EPHA3: variants seen among roughly 807,000 people sequenced by gnomAD.
The protein encoded by EPHA3 is EPH receptor A3, also known as ephrin type-A receptor 3.
EPHA3 carries 42 observed loss-of-function variants against 107.1 expected under a neutral mutation model. The observed-to-expected ratio is 0.39, with a 90% CI of 0.31 to 0.51. The LOEUF (loss-of-function observed/expected upper bound fraction) is 0.51, where lower values mean the gene tolerates loss of function less well. Ranked by LOEUF, EPHA3 falls within the 20% of genes least tolerant of loss-of-function variation. The probability of loss-of-function intolerance (pLI) is 0.78; values close to 1 mark genes in which losing one functional copy is unlikely to be tolerated. For missense variants in EPHA3, 1,183 were observed against 1,211.2 expected (o/e 0.98, Z 0.35); for synonymous variants, 461 against 424.8 (o/e 1.09, Z -1.05).
At chr3:89,223,841 A>G (rs1235944528) in intron 3 of EPHA3, among the ~76,000 whole-genome samples, 1 of 152,154 alleles carries the variant, frequency 6.6e-6, no homozygotes, top group Non-Finnish European at 1.5e-5. Flanking sequence ...AAATATGGTT[A>G]GTAAATATGG....
intron 2 of EPHA3, among the ~76,000 whole-genome samples, chr3:89,176,161 G>T (rs1276711253): frequency 6.6e-6 from 1 of 152,050 alleles, no homozygotes; most frequent in Non-Finnish European, 1.5e-5. Context: ...GATTATAGGT[G>T]TTGAAGTTCA....
At chr3:89,147,086 C>CA (rs1430821345) in intron 2 of EPHA3, among the ~76,000 whole-genome samples, 2 of 151,526 alleles carry the variant, frequency 1.3e-5, no homozygotes, top group African/African-American at 2.4e-5. Context: ...AACACAGGAA[C>CA]AAAAAACCAA....
chr3:89,480,874 A>G lies in EPHA3; in HGVS notation c.*1372A>G, dbSNP rs1184469630. On this transcript the variant is annotated 3_prime_UTR_variant, in exon 17 of 17. Coordinates refer to ENST00000336596, the MANE Select transcript of EPHA3 (RefSeq NM_005233.6). ...TTGAACTTCTTTGAATTTACTGGAC[A>G]TAACATTTTCAGAATAGTTGGTCAT... 4.3e-6 allele frequency: 1 copy of G among 232,124 alleles called. No individual in the cohort carries two copies. Among genetic ancestry groups the G allele is most frequent in the Non-Finnish European group, 8.5e-6 (1 of 117,172 alleles). The allele number at this position is 232,124 out of a possible 1,614,324, so 14.4% of individuals were successfully genotyped here.
In EPHA3 at chr3:89,203,324, TA is replaced by T. The variant is rs138552890; in HGVS notation, c.154-6526del. 1.7e-3 allele frequency among the ~76,000 whole-genome samples: 231 copies of T among 138,418 alleles called. 2 individuals carry two copies. The highest frequency in any genetic ancestry group is 5.9e-3 in the African/African-American group (218 of 37,200). The allele number at this position is 138,418 out of a possible 152,430, so 90.8% of individuals were successfully genotyped here. On this transcript the variant is annotated intron_variant, in intron 2 of 16. Transcript: ENST00000336596. Reference sequence around the variant, plus strand: ...TCCTGGTTCCCTGCTTAGCCGGAATTAAAAAAAAAACAAAACAAAACAAAAC... The same window carrying T: ...TCCTGGTTCCCTGCTTAGCCGGAATTAAAAAAAAACAAAACAAAACAAAAC...
chr3:89,412,054 A>G (rs1052296184), intron 9 of EPHA3, among the ~76,000 whole-genome samples: 32 of 152,016 alleles, frequency 2.1e-4, no homozygotes, highest in African/African-American at 7.7e-4. Flanking sequence ...CAGTAGTCTT[A>G]GCAGATATAC....
chr3:89,423,500 G>A (rs558731561), intron 11 of EPHA3, among the ~76,000 whole-genome samples: 2 of 151,358 alleles, frequency 1.3e-5, no homozygotes, highest in South Asian at 4.1e-4. Context: ...TACATACGTT[G>A]TACTTACTAT....
chr3:89,120,101 G>T lies in EPHA3; in HGVS notation c.89-7108G>T, dbSNP rs185068538. 3.7e-4 allele frequency among the ~76,000 whole-genome samples: 56 copies of T among 152,212 alleles called. 1 individual carries two copies. In the South Asian group the frequency reaches 9.3e-3, roughly 25 times the overall value. ...TGATTTTATGGGGTGAAGGCAAAAT[G>T]CATATGCTGTAGTTTAAACTGCTAT... is the stretch of plus-strand genomic sequence containing the variant. On this transcript the variant is annotated intron_variant, in intron 1 of 16. Transcript: ENST00000336596.
chr3:89,419,225 A>C lies in EPHA3; in HGVS notation c.1909A>C (p.Ser637Arg), dbSNP rs375432691. ...AACAGGTGAATTTGGAGAGGTGTGC[A>C]GTGGTCGCTTAAAACTTCCTTCAAA... ...VGAGEFGEVC[S>R]GRLKLPSKKE... The change falls in exon 11 of 17, where the codon AGT (serine) becomes CGT (arginine). Residue 637 changes from serine to arginine, a missense_variant. By Grantham distance (110) the Ser-to-Arg change is moderately radical. Transcript: ENST00000336596. The C allele has an allele frequency of 6.2e-7, 1 of 1,608,742 alleles. No individual in the cohort carries two copies. Among genetic ancestry groups the C allele is most frequent in the Non-Finnish European group, 8.5e-7 (1 of 1,176,850 alleles).
intron 2 of EPHA3, among the ~76,000 whole-genome samples, chr3:89,185,711 C>T (rs1393391740): frequency 4.6e-5 from 7 of 152,140 alleles, no homozygotes; most frequent in Admixed American, 3.9e-4. Flanking sequence ...CACAGCTCTC[C>T]CTTTCTACTT....
chr3:89,263,851 C>A (rs1417230703), intron 3 of EPHA3, among the ~76,000 whole-genome samples: 3 of 152,080 alleles, frequency 2.0e-5, no homozygotes, highest in Non-Finnish European at 4.4e-5. Context: ...TGTGGACCCT[C>A]CCTTTTCTTC....
In EPHA3 at chr3:89,356,871, G is replaced by C. The variant is rs556554774; in HGVS notation, c.1306+14781G>C. 5.3e-5 allele frequency among the ~76,000 whole-genome samples: 8 copies of C among 150,432 alleles called. 2 individuals are homozygous for C. Among genetic ancestry groups the C allele is most frequent in the Middle Eastern group, 3.5e-3 (1 of 286 alleles). ...AGGACAACCAACACTTTGGGCAGCC[G>C]AGGCGGGCAGATCAGGAAGTCAGGA... is the stretch of plus-strand genomic sequence containing the variant. On this transcript the variant is annotated intron_variant, in intron 5 of 16. Transcript: ENST00000336596.
intron 3 of EPHA3, among the ~76,000 whole-genome samples, chr3:89,315,666 A>C (rs1706880644): frequency 1.3e-5 from 2 of 151,320 alleles, no homozygotes; most frequent in Admixed American, 1.3e-4. Context: ...TCAGCTTAGC[A>C]GTTCTGAAAG....
At chr3:89,153,326 TG>T (rs1190722374) in intron 2 of EPHA3, among the ~76,000 whole-genome samples, 1 of 152,106 alleles carries the variant, frequency 6.6e-6, no homozygotes, top group African/African-American at 2.4e-5. Context: ...TCATTGACTT[TG>T]CTGTTGCCTC....
At chr3:89,220,735 C>A (rs1704352535) in intron 3 of EPHA3, among the ~76,000 whole-genome samples, 1 of 151,970 alleles carries the variant, frequency 6.6e-6, no homozygotes, top group Non-Finnish European at 1.5e-5. Context: ...GATACTAATA[C>A]AAAAAATGAC....
chr3:89,158,413 T>G (rs376247876), intron 2 of EPHA3, among the ~76,000 whole-genome samples: 2 of 152,116 alleles, frequency 1.3e-5, no homozygotes, highest in Admixed American at 1.3e-4. Context: ...TGGGGCTTTC[T>G]TTTACACTGT....
intron 3 of EPHA3, among the ~76,000 whole-genome samples, chr3:89,303,989 G>C (rs1706552142): frequency 6.6e-6 from 1 of 152,002 alleles, no homozygotes; most frequent in Non-Finnish European, 1.5e-5. Context: ...TCTTTTCCTT[G>C]CTGATTTTCA....
Position 89,354,100 on chromosome 3 carries a change from T to C in EPHA3, c.1306+12010T>C, listed in dbSNP as rs1398212157. 3.3e-5 allele frequency among the ~76,000 whole-genome samples: 5 copies of C among 151,328 alleles called. No individual in the cohort carries two copies. In the Admixed American group the frequency reaches 3.3e-4, roughly 10 times the overall value. On this transcript the variant is annotated intron_variant, in intron 5 of 16. Transcript: ENST00000336596. ...ACTATATTCCCCCAAGGGCAAAAAA[T>C]ATTTAATTCACAGAAAGTTTTCTCA...
At chr3:89,402,266 G>A (rs1299106636) in intron 7 of EPHA3, among the ~76,000 whole-genome samples, 1 of 152,136 alleles carries the variant, frequency 6.6e-6, no homozygotes, top group Non-Finnish European at 1.5e-5. Flanking sequence ...AGGGCCTTAG[G>A]ATTTTTGCCA....
intron 2 of EPHA3, among the ~76,000 whole-genome samples, chr3:89,197,727 G>A (rs1211708622): frequency 6.6e-6 from 1 of 152,114 alleles, no homozygotes; most frequent in Non-Finnish European, 1.5e-5. Context: ...TATATTCCCA[G>A]CACTTTGGGA....
Sources: allele counts gnomAD v4.1 joint callset (sites outside exome capture counted in the v4.1 genomes callset), GRCh38; gene constraint gnomAD v4.1.1; transcripts MANE v1.5; gene names NCBI Gene and HGNC (gene_info 2026-07-23, HGNC 2026-07-21).